Variants in ANGPT1 observed in about 807,000 individuals in gnomAD.
The protein encoded by ANGPT1 is angiopoietin 1, also known as angiopoietin-1.
Under a neutral mutation model 62.2 loss-of-function variants are expected in ANGPT1, and 17 were observed. That is an observed-to-expected ratio of 0.27 (90% CI 0.19 to 0.41). The LOEUF (loss-of-function observed/expected upper bound fraction) is 0.41, where lower values mean the gene tolerates loss of function less well. Among genes scored for constraint, ANGPT1 ranks in the 10% least tolerant of loss-of-function variants. The probability of loss-of-function intolerance (pLI) is 1.00; values close to 1 mark genes in which losing one functional copy is unlikely to be tolerated. For synonymous variants in ANGPT1, 199 were observed against 198.9 expected (o/e 1.00, Z 0.00); for missense variants, 478 against 594.9 (o/e 0.80, Z 2.04).
chr8:107,413,864 A>G (rs1319491715), intron 1 of ANGPT1, among the ~76,000 whole-genome samples: 1 of 152,104 alleles, frequency 6.6e-6, no homozygotes, highest in Non-Finnish European at 1.5e-5. Flanking sequence ...AGTCTTGCAG[A>G]AGGAGGATGG....
intron 1 of ANGPT1, among the ~76,000 whole-genome samples, chr8:107,485,550 T>C (rs1387796802): frequency 1.3e-5 from 2 of 152,172 alleles, no homozygotes; most frequent in Non-Finnish European, 2.9e-5. Context: ...ATCACAATTG[T>C]CTACAAGTAG....
intron 8 of ANGPT1, among the ~76,000 whole-genome samples, chr8:107,254,889 C>T (rs564592259): frequency 6.6e-6 from 1 of 152,070 alleles, no homozygotes; most frequent in Non-Finnish European, 1.5e-5. Flanking sequence ...ACCAGAAGAA[C>T]CAGATCTGCT....
rs150507208 is a variant in ANGPT1 at position 107,329,695 on chromosome 8, C to T, written c.575+6455G>A. On this transcript the variant is annotated intron_variant, in intron 3 of 8. Coordinates refer to ENST00000517746, the MANE Select transcript of ANGPT1 (RefSeq NM_001146.5). ...TGTGTGTGTGTGAGTCTCTGTGTGT[C>T]GTATGGATAAATGGCATTTGTTGGG... 7.8e-3 allele frequency among the ~76,000 whole-genome samples: 1,174 copies of T among 151,104 alleles called. 9 individuals are homozygous for T. Among genetic ancestry groups the T allele is most frequent in the African/African-American group, 0.024 (972 of 41,244 alleles).
Position 107,257,876 on chromosome 8 carries a change from G to GTTTTTTTTTTTTTTTTTTTTTTTT in ANGPT1, c.1337-5862_1337-5861insAAAAAAAAAAAAAAAAAAAAAAAA, listed in dbSNP as rs1371396961. On this transcript the variant is annotated intron_variant, in intron 8 of 8. Coordinates refer to ENST00000517746, the MANE Select transcript of ANGPT1 (RefSeq NM_001146.5). The stretch of plus-strand genomic sequence containing the variant: ...CTCTTCAGGCCAAGGACTTGTTTTT[G>GTTTTTTTTTTTTTTTTTTTTTTTT]TTTCTTTTTTGTTTGTTTGTTTGTT... Among the ~76,000 whole-genome samples, 20 of 85,250 alleles carry GTTTTTTTTTTTTTTTTTTTTTTTT rather than the reference G, an allele frequency of 2.3e-4. 1 individual carries two copies. Among genetic ancestry groups the GTTTTTTTTTTTTTTTTTTTTTTTT allele is most frequent in the Non-Finnish European group, 4.2e-4 (18 of 43,136 alleles). The allele number at this position is 85,250 out of a possible 152,430, so 55.9% of individuals were successfully genotyped here.
intron 1 of ANGPT1, among the ~76,000 whole-genome samples, chr8:107,466,608 G>A (rs1042897965): frequency 1.3e-5 from 2 of 151,986 alleles, no homozygotes; most frequent in African/African-American, 4.8e-5. Flanking sequence ...CATGAACATC[G>A]GTTGTTAAAA....
rs1032894131 is a variant in ANGPT1 at position 107,478,695 on chromosome 8, T to C, written c.297+18567A>G. 2.6e-5 allele frequency among the ~76,000 whole-genome samples: 4 copies of C among 152,360 alleles called. No individual in the cohort carries two copies. In the East Asian group the frequency reaches 7.7e-4, roughly 29 times the overall value. Reference sequence around the variant, plus strand: ...TTATTCATTGTGAATGTTTTGGGTATGTTCCTTGTCAATAGTTTTATGTGC... The same window carrying C: ...TTATTCATTGTGAATGTTTTGGGTACGTTCCTTGTCAATAGTTTTATGTGC... On this transcript the variant is annotated intron_variant, in intron 1 of 8. Coordinates refer to ENST00000517746, the MANE Select transcript of ANGPT1 (RefSeq NM_001146.5).
At chr8:107,321,430 C>T (rs933077146) in intron 4 of ANGPT1, among the ~76,000 whole-genome samples, 1 of 152,102 alleles carries the variant, frequency 6.6e-6, no homozygotes, top group African/African-American at 2.4e-5. Flanking sequence ...AGTCTGTCTC[C>T]GTTTCTCTGC....
chr8:107,351,237 C>T (rs758643241), intron 1 of ANGPT1, among the ~76,000 whole-genome samples: 4 of 151,770 alleles, frequency 2.6e-5, no homozygotes, highest in Non-Finnish European at 5.9e-5. Context: ...TAAATGATTA[C>T]TTTCAAGCAA....
At chr8:107,380,738 T>C (rs566579534) in intron 1 of ANGPT1, among the ~76,000 whole-genome samples, 62 of 152,314 alleles carry the variant, frequency 4.1e-4, no homozygotes, top group African/African-American at 1.4e-3. Flanking sequence ...TTCTACTGCA[T>C]ATCATCCCCA....
chr8:107,376,607 A>G (rs1281542953), intron 1 of ANGPT1, among the ~76,000 whole-genome samples: 1 of 151,970 alleles, frequency 6.6e-6, no homozygotes, highest in African/African-American at 2.4e-5. Context: ...TGCATATTCT[A>G]CTCCAGCCAT....
intron 1 of ANGPT1, among the ~76,000 whole-genome samples, chr8:107,436,079 T>A (rs1235546460): frequency 6.6e-6 from 1 of 151,882 alleles, no homozygotes; most frequent in Non-Finnish European, 1.5e-5. Flanking sequence ...ATTTTAAAAC[T>A]TTTTTTTGTA....
chr8:107,346,431 G>A (rs551934775), intron 2 of ANGPT1, among the ~76,000 whole-genome samples: 2 of 152,218 alleles, frequency 1.3e-5, no homozygotes, highest in East Asian at 1.9e-4. Flanking sequence ...GTTTTTACTC[G>A]TTGGTACTCA....
At chr8:107,382,443 T>C (rs781394259) in intron 1 of ANGPT1, among the ~76,000 whole-genome samples, 5 of 152,128 alleles carry the variant, frequency 3.3e-5, no homozygotes, top group African/African-American at 4.8e-5. Context: ...TCGGGCACTA[T>C]AGCAAATTCC....
chr8:107,367,480 A>ATGTTTTATTTT (rs1816299370), intron 1 of ANGPT1, among the ~76,000 whole-genome samples: 2 of 152,144 alleles, frequency 1.3e-5, no homozygotes, highest in Non-Finnish European at 2.9e-5. Context: ...ATTTTTAAAA[A>ATGTTTTATTTT]TAAAACAGTG....
chr8:107,457,164 T>C (rs1246615953), intron 1 of ANGPT1, among the ~76,000 whole-genome samples: 1 of 152,080 alleles, frequency 6.6e-6, no homozygotes, highest in Non-Finnish European at 1.5e-5. Context: ...TATGATAGAC[T>C]ATATTTATTA....
chr8:107,343,000 T>A (rs1460094154), intron 2 of ANGPT1, among the ~76,000 whole-genome samples: 1 of 22,752 alleles, frequency 4.4e-5, no homozygotes, highest in Non-Finnish European at 7.1e-5. Context: ...CATGCCTGGC[T>A]TTTTTTTTTT....
chr8:107,251,681 G>T lies in ANGPT1; in HGVS notation c.*174C>A. Reference sequence around the variant, plus strand: ...TGTCACCCCAAGTAGAGACTCTTGTGAACTCAAACGGCTCCAGATTCACGG... The same window carrying T: ...TGTCACCCCAAGTAGAGACTCTTGTTAACTCAAACGGCTCCAGATTCACGG... On this transcript the variant is annotated 3_prime_UTR_variant, in exon 9 of 9. Transcript: ENST00000517746. 1.3e-6 allele frequency: 1 copy of T among 758,874 alleles called. No individual in the cohort carries two copies. The allele number at this position is 758,874 out of a possible 1,614,324, so 47.0% of individuals were successfully genotyped here. A position where few individuals can be genotyped will look rare whatever the true frequency, so the allele number is the denominator to read the frequency against.
chr8:107,255,999 G>A (rs1056754046), intron 8 of ANGPT1, among the ~76,000 whole-genome samples: 9 of 152,122 alleles, frequency 5.9e-5, no homozygotes, highest in African/African-American at 2.2e-4. Context: ...ACTGTACAAT[G>A]TTCATGTTAT....
chr8:107,439,778 T>C (rs981291181), intron 1 of ANGPT1, among the ~76,000 whole-genome samples: 3 of 152,096 alleles, frequency 2.0e-5, no homozygotes, highest in Non-Finnish European at 4.4e-5. Context: ...ATAGTGTCCA[T>C]GAAAATAAGG....
Sources: allele counts gnomAD v4.1 joint callset (sites outside exome capture counted in the v4.1 genomes callset), GRCh38; gene constraint gnomAD v4.1.1; transcripts MANE v1.5; gene names NCBI Gene and HGNC (gene_info 2026-07-23, HGNC 2026-07-21).